RAD51B: variants seen among roughly 807,000 people sequenced by gnomAD.
RAD51B encodes the protein RAD51 paralog B, also known as DNA repair protein RAD51 homolog 2.
RAD51B carries 38 observed loss-of-function variants against 42.2 expected under a neutral mutation model. That is an observed-to-expected ratio of 0.90 (90% confidence interval 0.70 to 1.18). The LOEUF (loss-of-function observed/expected upper bound fraction) is 1.18. Ranked by LOEUF, RAD51B falls within the 50% of genes most tolerant of loss-of-function variation. The probability of loss-of-function intolerance (pLI) is 0.00; values close to 1 mark genes in which losing one functional copy is unlikely to be tolerated. For missense variants in RAD51B, 373 were observed against 400.7 expected (o/e 0.93, Z 0.59); for synonymous variants, 154 against 145.2 (o/e 1.06, Z -0.43).
chr14:68,308,783 C>T (rs1489465992), intron 8 of RAD51B, among the ~76,000 whole-genome samples: 1 of 149,798 alleles, frequency 6.7e-6, no homozygotes, highest in Admixed American at 6.7e-5. Context: ...AGAAAAGAGA[C>T]TGTTTAGCTT....
chr14:68,610,061 C>T (rs1000964083), intron 10 of RAD51B, among the ~76,000 whole-genome samples: 1 of 152,178 alleles, frequency 6.6e-6, no homozygotes, highest in Admixed American at 6.5e-5. Flanking sequence ...CCCCAGATCC[C>T]CACATTTCTA....
intron 7 of RAD51B, among the ~76,000 whole-genome samples, chr14:68,010,672 A>T (rs72725160): frequency 0.11 from 17,185 of 151,840 alleles, 1,298 homozygotes; most frequent in Middle Eastern, 0.27. Context: ...GAAAATGTAT[A>T]CAACTGAGCT....
At chr14:68,592,978 G>C (rs1223687066) in intron 10 of RAD51B, among the ~76,000 whole-genome samples, 1 of 152,180 alleles carries the variant, frequency 6.6e-6, no homozygotes, top group Non-Finnish European at 1.5e-5. Context: ...GAGGGACCTT[G>C]CATCCTAGGG....
intron 11 of RAD51B, among the ~76,000 whole-genome samples, chr14:68,657,293 C>T (rs1892836205): frequency 6.6e-6 from 1 of 152,218 alleles, no homozygotes; most frequent in Non-Finnish European, 1.5e-5. Flanking sequence ...AAACTTAGCA[C>T]TTCATGGCTA....
At chr14:68,373,225 C>A (rs992105980) in intron 8 of RAD51B, among the ~76,000 whole-genome samples, 3 of 152,206 alleles carry the variant, frequency 2.0e-5, no homozygotes, top group African/African-American at 7.2e-5. Context: ...TTACTGATTA[C>A]CCTGAGTATG....
chr14:68,153,387 A>G (rs1457151268), intron 7 of RAD51B, among the ~76,000 whole-genome samples: 1 of 152,118 alleles, frequency 6.6e-6, no homozygotes, highest in Non-Finnish European at 1.5e-5. Context: ...TGGTAGTGCT[A>G]TTTTTAGCTC....
chr14:68,610,669 G>A (rs17106011), intron 10 of RAD51B, among the ~76,000 whole-genome samples: 17,845 of 152,060 alleles, frequency 0.12, 1,227 homozygotes, highest in East Asian at 0.21. Flanking sequence ...CTTTTTGTTC[G>A]CCTGTTTTAT....
chr14:68,617,479 G>T (rs1891849277), intron 10 of RAD51B, among the ~76,000 whole-genome samples: 1 of 152,070 alleles, frequency 6.6e-6, no homozygotes, highest in African/African-American at 2.4e-5. Flanking sequence ...CTTCACTCTG[G>T]GTATGAACAT....
downstream of RAD51B, among the ~76,000 whole-genome samples, chr14:68,613,784 T>A (rs1238146797): frequency 6.6e-6 from 1 of 152,180 alleles, no homozygotes; most frequent in African/African-American, 2.4e-5. Context: ...CTAAGAGCCT[T>A]CATAATATTC....
chr14:68,258,048 T>C (rs1199825268), intron 7 of RAD51B, among the ~76,000 whole-genome samples: 1 of 152,182 alleles, frequency 6.6e-6, no homozygotes, highest in Non-Finnish European at 1.5e-5. Context: ...GAGAGAAATG[T>C]ATTACTAATC....
chr14:68,569,614 T>C (rs760759373), intron 10 of RAD51B, among the ~76,000 whole-genome samples: 24 of 152,250 alleles, frequency 1.6e-4, no homozygotes, highest in Non-Finnish European at 3.2e-4. Flanking sequence ...ACAGCCCCAG[T>C]TGCTATGGGA....
intron 10 of RAD51B, among the ~76,000 whole-genome samples, chr14:68,648,024 TATATATATATATACAC>T (rs1892599700): frequency 2.2e-5 from 1 of 44,810 alleles, no homozygotes; most frequent in Non-Finnish European, 4.3e-5. Context: ...TATATATACG[TATATATATATATACAC>T]ACGTATATAG....
intron 8 of RAD51B, among the ~76,000 whole-genome samples, chr14:68,322,166 A>G (rs980635714): frequency 3.3e-5 from 5 of 152,190 alleles, no homozygotes; most frequent in African/African-American, 1.2e-4. Flanking sequence ...AAGAAATAAT[A>G]ATAGTGTTTT....
chr14:68,023,798 G>T (rs2075907441), intron 7 of RAD51B, among the ~76,000 whole-genome samples: 1 of 150,292 alleles, frequency 6.7e-6, no homozygotes, highest in Admixed American at 6.7e-5. Flanking sequence ...TGGGTTTTCT[G>T]TTTACTCTGT....
At chr14:68,004,056 A>T (rs1431238279) in intron 7 of RAD51B, among the ~76,000 whole-genome samples, 1 of 152,134 alleles carries the variant, frequency 6.6e-6, no homozygotes, top group African/African-American at 2.4e-5. Flanking sequence ...TTAGTTATTT[A>T]AAAAGAATAT....
intron 7 of RAD51B, among the ~76,000 whole-genome samples, chr14:68,261,905 G>C (rs763466224): frequency 6.6e-6 from 1 of 152,114 alleles, no homozygotes; most frequent in Admixed American, 6.5e-5. Flanking sequence ...TCTGTGGCAG[G>C]ACACAGTAGG....
chr14:68,513,395 A>C (rs1885889214), intron 10 of RAD51B, among the ~76,000 whole-genome samples: 1 of 152,166 alleles, frequency 6.6e-6, no homozygotes, highest in Non-Finnish European at 1.5e-5. Flanking sequence ...CTGCAGTTTA[A>C]ATTGTAGGGT....
At chr14:68,563,649 G>T in intron 10 of RAD51B, 1 of 985,444 alleles carries the variant, frequency 1.0e-6, no homozygotes, top group African/African-American at 1.7e-5. Context: ...TGGGCCATCG[G>T]TCATGCTTCG....
chr14:68,032,819 C>A (rs1321648622), intron 7 of RAD51B, among the ~76,000 whole-genome samples: 1 of 152,114 alleles, frequency 6.6e-6, no homozygotes, highest in African/African-American at 2.4e-5. Flanking sequence ...TTATTTATCT[C>A]TTCTTTCAGC....
Sources: gnomAD v4.1 joint callset for allele counts (sites outside exome capture counted in the v4.1 genomes callset) on GRCh38, gnomAD v4.1.1 for gene constraint, MANE v1.5 for transcripts, NCBI Gene and HGNC (gene_info 2026-07-23, HGNC 2026-07-21) for gene names.